The following GRXCR2 variants were observed in gnomAD, a reference collection of about 807,000 sequenced individuals.
GRXCR2 encodes the protein glutaredoxin and cysteine rich domain containing 2.
In GRXCR2, 23 loss-of-function variants were observed where a neutral mutation model predicts 24.8. The ratio of observed to expected loss-of-function variants is 0.93; its 90% CI spans 0.67 to 1.32. The LOEUF is 1.32. Among genes scored for constraint, GRXCR2 ranks in the 40% most tolerant of loss-of-function variants. GRXCR2 has a pLI of 0.00. For missense variants in GRXCR2, 315 were observed against 303.4 expected, an observed-to-expected ratio of 1.04 and a Z score of -0.28; for synonymous variants, 130 against 116.1, an observed-to-expected ratio of 1.12 and a Z score of -0.77.
intron 1 of GRXCR2, among the ~76,000 whole-genome samples, chr5:145,871,180 A>G (rs948540920): frequency 3.3e-5 from 5 of 152,230 alleles, no homozygotes; most frequent in Admixed American, 2.0e-4. Context: ...TAAGGTTTGC[A>G]TGAACTGTGA....
chr5:145,859,612 G>A lies in GRXCR2; in HGVS notation c.*121C>T. 4.8e-6 allele frequency: 4 copies of A among 824,870 alleles called. No individual in the cohort carries two copies. The highest frequency in any genetic ancestry group is 8.0e-6 in the Non-Finnish European group (4 of 500,342). 51.1% of individuals were successfully genotyped at this position (824,870 alleles called of 1,614,324 possible). ...CAGATAATTGAGTTTTGCCAGCAGT[G>A]GGAGTGACTGCAGCCACTGTGGCCT... On this transcript the variant is annotated 3_prime_UTR_variant, in exon 3 of 3. Coordinates refer to ENST00000377976, the MANE Select transcript of GRXCR2 (RefSeq NM_001080516.2).
At chr5:145,928,626 A>G (rs1483246622) in intron 2 of GRXCR2, among the ~76,000 whole-genome samples, 2 of 152,064 alleles carry the variant, frequency 1.3e-5, no homozygotes, top group Non-Finnish European at 2.9e-5. Context: ...GCTGGAAACC[A>G]TCATTCTTAG....
intron 2 of GRXCR2, among the ~76,000 whole-genome samples, chr5:145,900,588 G>C (rs1757011513): frequency 6.6e-6 from 1 of 152,138 alleles, no homozygotes; most frequent in African/African-American, 2.4e-5. Flanking sequence ...ACCACAGTGA[G>C]ATGCCATCTC....
At chr5:145,927,824 T>C (rs1757421836) in intron 2 of GRXCR2, among the ~76,000 whole-genome samples, 1 of 152,164 alleles carries the variant, frequency 6.6e-6, no homozygotes, top group Admixed American at 6.5e-5. Context: ...GGCAATAACA[T>C]TCAGGACATA....
intron 2 of GRXCR2, among the ~76,000 whole-genome samples, chr5:145,913,498 A>AC (rs940577368): frequency 1.3e-5 from 2 of 152,140 alleles, no homozygotes; most frequent in Non-Finnish European, 2.9e-5. Flanking sequence ...GTATTTTAAT[A>AC]CCCCAAATTA....
At chr5:145,929,057 A>G (rs997999867) in intron 2 of GRXCR2, among the ~76,000 whole-genome samples, 5 of 151,654 alleles carry the variant, frequency 3.3e-5, no homozygotes, top group Non-Finnish European at 5.9e-5. Flanking sequence ...TAGTCTTTAT[A>G]TTATATATAT....
intron 1 of GRXCR2, among the ~76,000 whole-genome samples, chr5:145,870,876 C>T (rs1356444484): frequency 6.6e-6 from 1 of 152,080 alleles, no homozygotes; most frequent in Non-Finnish European, 1.5e-5. Flanking sequence ...CTCTAAAACA[C>T]ATAGAGTACT....
chr5:145,889,173 AAAGAAAGAAAGAAAGAAAG>A (rs1374611866), intron 2 of GRXCR2, among the ~76,000 whole-genome samples: 2 of 39,442 alleles, frequency 5.1e-5, no homozygotes, highest in African/African-American at 2.1e-4. Flanking sequence ...TGTCTCAAAA[AAAGAAAGAAAGAAAGAAAG>A]AAAGAAAGAA....
intron 2 of GRXCR2, among the ~76,000 whole-genome samples, chr5:145,919,126 A>G (rs1209724507): frequency 6.6e-6 from 1 of 151,678 alleles, no homozygotes; most frequent in Non-Finnish European, 1.5e-5. Context: ...CTGTCTCCTC[A>G]TTTCTTCCCC....
At chr5:145,925,917 A>G (rs1757387887) in intron 2 of GRXCR2, among the ~76,000 whole-genome samples, 1 of 152,116 alleles carries the variant, frequency 6.6e-6, no homozygotes, top group African/African-American at 2.4e-5. Context: ...TGCACTAATC[A>G]GAGCACTTGG....
At chr5:145,875,674 A>C (rs1159887063), upstream of GRXCR2, among the ~76,000 whole-genome samples, 2 of 152,062 alleles carry the variant, frequency 1.3e-5, no homozygotes, top group African/African-American at 4.8e-5. Flanking sequence ...TAGGTGGGAG[A>C]GAAGAACTAG....
At chr5:145,878,440 G>C (rs998144925) in intron 2 of GRXCR2, among the ~76,000 whole-genome samples, 1 of 152,006 alleles carries the variant, frequency 6.6e-6, no homozygotes, top group South Asian at 2.1e-4. Context: ...TGGAGGAAAG[G>C]GTATCAGTGA....
In GRXCR2 at chr5:145,931,512, T is replaced by G. The variant is rs140176882; in HGVS notation, c.-70+4189A>C. Among the ~76,000 whole-genome samples, 1,200 of 152,308 alleles carry G rather than the reference T, an allele frequency of 7.9e-3. 26 individuals are homozygous for G. Among genetic ancestry groups the G allele is most frequent in the African/African-American group, 0.027 (1,133 of 41,554 alleles). On this transcript the variant is annotated intron_variant, in intron 2 of 3. Transcript: ENST00000639411. ...ACACTCCTCACCTGCAAACATACCC[T>G]CAATTGGAGAGGAAATCTCACATCT...
intron 2 of GRXCR2, among the ~76,000 whole-genome samples, chr5:145,886,692 A>G (rs920586542): frequency 3.3e-5 from 5 of 152,144 alleles, no homozygotes; most frequent in Non-Finnish European, 7.4e-5. Flanking sequence ...AGCACTCTCC[A>G]ATAATATTAT....
rs1581345903 is a variant in GRXCR2, at chr5:145,895,818, T to C, written c.-69-29090A>G. Among the ~76,000 whole-genome samples the C allele has an allele frequency of 2.0e-5, 3 of 152,222 alleles. No individual in the cohort carries two copies. In the South Asian group the frequency reaches 6.2e-4, roughly 32 times the overall value. On this transcript the variant is annotated intron_variant, in intron 2 of 3. Transcript: ENST00000639411. ...TATGGAACCAAAAAAGAGCCTGCAT[T>C]GCCAAGTCAATCCTAAGCCAAAAGA... is the stretch of plus-strand genomic sequence containing the variant.
upstream of GRXCR2, among the ~76,000 whole-genome samples, chr5:145,876,191 GTATATATATA>G (rs748811333): frequency 9.5e-6 from 1 of 105,312 alleles, no homozygotes; most frequent in African/African-American, 3.9e-5. Flanking sequence ...GTGTGTGTGT[GTATATATATA>G]TATATATATA....
rs1554107328 is a variant in GRXCR2, at chr5:145,929,198, C to CATATAT, written c.-70+6502_-70+6503insATATAT. Among the ~76,000 whole-genome samples the CATATAT allele has an allele frequency of 1.1e-3, 96 of 88,380 alleles. 8 individuals carry two copies. In the East Asian group the frequency reaches 0.018, roughly 16 times the overall value. The allele number at this position is 88,380 out of a possible 152,430, so 58.0% of individuals were successfully genotyped here. A position where few individuals can be genotyped will look rare whatever the true frequency, so the allele number is the denominator to read the frequency against. ...TTTTAATAGTTGTATAATATTCCCC[C>CATATAT]CTATATATATATATATATATATATA... is the stretch of plus-strand genomic sequence containing the variant. On this transcript the variant is annotated intron_variant, in intron 2 of 3. Transcript: ENST00000639411.
At chr5:145,893,193 G>A (rs866297770) in intron 2 of GRXCR2, among the ~76,000 whole-genome samples, 1 of 152,168 alleles carries the variant, frequency 6.6e-6, no homozygotes, top group African/African-American at 2.4e-5. Context: ...AAATTGTAAA[G>A]ACCATCAAGG....
intron 2 of GRXCR2, among the ~76,000 whole-genome samples, chr5:145,890,092 T>A (rs1184264631): frequency 6.6e-6 from 1 of 152,208 alleles, no homozygotes; most frequent in African/African-American, 2.4e-5. Flanking sequence ...TTTGTTTTGT[T>A]TGTTTGTTTT....
Sources: allele counts gnomAD v4.1 joint callset (sites outside exome capture counted in the v4.1 genomes callset), GRCh38; gene constraint gnomAD v4.1.1; transcripts MANE v1.5; gene names NCBI Gene and HGNC (gene_info 2026-07-23, HGNC 2026-07-21).